The following SYT10 variants were observed in gnomAD, a reference collection of about 807,000 sequenced individuals.
SYT10 encodes the protein synaptotagmin-10.
A neutral mutation model predicts 51.1 loss-of-function variants in SYT10; 31 were observed. The ratio of observed to expected loss-of-function variants is 0.61; its 90% CI spans 0.46 to 0.82. The LOEUF is 0.82. SYT10 is among the 40% of genes least tolerant of loss of function. SYT10 has a pLI of 0.00. For synonymous variants in SYT10, 233 were observed against 225.9 expected (o/e 1.03, Z -0.28); for missense variants, 603 against 634.0 (o/e 0.95, Z 0.53).
At chr12:33,416,203 C>T (rs1866452242) in intron 2 of SYT10, among the ~76,000 whole-genome samples, 1 of 152,148 alleles carries the variant, frequency 6.6e-6, no homozygotes, top group Admixed American at 6.5e-5. Context: ...GCCTCAGCTT[C>T]CCGAGTAGCT....
chr12:33,430,348 G>A (rs1591998782), intron 1 of SYT10, among the ~76,000 whole-genome samples: 1 of 152,190 alleles, frequency 6.6e-6, no homozygotes, highest in African/African-American at 2.4e-5. Context: ...TCTAAAATGC[G>A]AATTCGTCAG....
chr12:33,439,364 C>T lies in SYT10; in HGVS notation c.151+8G>A, dbSNP rs766254838. ...GCGCGAGGACGCGAGCGGAGCCCTC[C>T]CGGTTACCTGTGCTGCTTCCGCCCT... On this transcript the variant is annotated splice_region_variant and intron_variant, in intron 1 of 6. Coordinates refer to ENST00000228567, the MANE Select transcript of SYT10 (RefSeq NM_198992.4). 2.5e-6 allele frequency: 4 copies of T among 1,610,670 alleles called. No individual in the cohort carries two copies. The highest frequency in any genetic ancestry group is 2.2e-5 in the South Asian group (2 of 90,696).
chr12:33,396,452 C>T (rs1338854277), intron 3 of SYT10, among the ~76,000 whole-genome samples: 1 of 152,110 alleles, frequency 6.6e-6, no homozygotes, highest in Admixed American at 6.6e-5. Context: ...GAGTAATTTA[C>T]ATCAGAATAC....
chr12:33,385,683 T>C (rs1433237074), intron 3 of SYT10, among the ~76,000 whole-genome samples: 1 of 152,186 alleles, frequency 6.6e-6, no homozygotes, highest in East Asian at 1.9e-4. Context: ...GAGCAACCCA[T>C]GGGCAAGTCC....
rs369730151 is a variant in SYT10, at chr12:33,379,719, A to AT, written c.1500+112dup. 2,836 of 1,372,046 alleles carry AT rather than the reference A, an allele frequency of 2.1e-3. 4 individuals are homozygous for AT. The highest frequency in any genetic ancestry group is 2.6e-3 in the Non-Finnish European group (2,605 of 1,016,310). 85.0% of individuals were successfully genotyped at this position (1,372,046 alleles called of 1,614,324 possible). Reference sequence around the variant, plus strand: ...GACAAAAGCAAGAACAATCTTTTCTATTTTTTTTAACAAGGGTGAATACAT... The same window carrying AT: ...GACAAAAGCAAGAACAATCTTTTCTATTTTTTTTTAACAAGGGTGAATACAT... On this transcript the variant is annotated intron_variant, in intron 6 of 6. Coordinates refer to ENST00000228567, the MANE Select transcript of SYT10 (RefSeq NM_198992.4).
chr12:33,421,000 C>T (rs1310904379), intron 2 of SYT10, among the ~76,000 whole-genome samples: 2 of 152,104 alleles, frequency 1.3e-5, no homozygotes, highest in African/African-American at 4.8e-5. Context: ...TATAATATCC[C>T]ATTTTTCATT....
At chr12:33,402,992 TA>T (rs1245610341) in intron 3 of SYT10, among the ~76,000 whole-genome samples, 1 of 152,040 alleles carries the variant, frequency 6.6e-6, no homozygotes, top group East Asian at 1.9e-4. Context: ...GAAGAATCAT[TA>T]AAAATTAAAG....
At position 33,379,930 on chromosome 12, in the gene SYT10, T is replaced by G. The variant is rs1266849562; in HGVS notation, c.1402A>C (p.Arg468=). 3.7e-6 allele frequency: 6 copies of G among 1,613,842 alleles called. No individual in the cohort carries two copies. The highest frequency in any genetic ancestry group is 5.1e-6 in the Non-Finnish European group (6 of 1,179,878). The change falls in exon 6 of 7, where the codon AGA becomes CGA. Residue 468 remains arginine, a synonymous_variant. Transcript: ENST00000228567. ...VGHNEVIGVC[R]TGLDAEGLGR... ...AGACCCTCAGCATCCAGTCCTGTTC[T>G]GCACACTCCTATGACCTCATTGTGT...
At chr12:33,424,429 A>T (rs114712384) in intron 2 of SYT10, among the ~76,000 whole-genome samples, 1,626 of 152,290 alleles carry the variant, frequency 0.011, 33 homozygotes, top group African/African-American at 0.035. Context: ...AAGCTAATAT[A>T]CATTCACAGT....
intron 3 of SYT10, among the ~76,000 whole-genome samples, chr12:33,403,193 A>AATATTTAT (rs1473523401): frequency 6.6e-6 from 1 of 151,792 alleles, no homozygotes; most frequent in Non-Finnish European, 1.5e-5. Flanking sequence ...GAATTATAAG[A>AATATTTAT]ATATTTATAT....
At chr12:33,385,326 C>T in intron 3 of SYT10, 35 bp from the exon 4 acceptor site, 3 of 1,607,826 alleles carry the variant, frequency 1.9e-6, no homozygotes, top group Non-Finnish European at 2.5e-6. Context: ...CAATTTCAAA[C>T]ATTGAAGGGT....
chr12:33,381,286 G>A (rs1034423233), intron 5 of SYT10, among the ~76,000 whole-genome samples: 5 of 151,932 alleles, frequency 3.3e-5, no homozygotes, highest in African/African-American at 4.8e-5. Context: ...TTATTTTTCA[G>A]TGTTTCCCCC....
At chr12:33,415,071 T>C (rs1159657268) in intron 2 of SYT10, among the ~76,000 whole-genome samples, 8 of 152,122 alleles carry the variant, frequency 5.3e-5, no homozygotes, top group African/African-American at 1.9e-4. Flanking sequence ...TTTAAAGACT[T>C]TTACAAAGAA....
chr12:33,424,624 C>A (rs1009162918), intron 2 of SYT10, among the ~76,000 whole-genome samples: 21 of 151,822 alleles, frequency 1.4e-4, no homozygotes, highest in African/African-American at 5.1e-4. Context: ...ATAGCGAGAC[C>A]AATGTCTTGG....
At chr12:33,427,328 G>A (rs1192547556) in intron 1 of SYT10, among the ~76,000 whole-genome samples, 1 of 152,084 alleles carries the variant, frequency 6.6e-6, no homozygotes, top group African/African-American at 2.4e-5. Context: ...TGGGCCGATG[G>A]GACTAGCACA....
At chr12:33,406,751 CAAATAAA>C in intron 3 of SYT10, 31 bp downstream of exon 3, 1 of 1,510,568 alleles carries the variant, frequency 6.6e-7, no homozygotes, top group Non-Finnish European at 8.9e-7. Context: ...CATTGTAAGT[CAAATAAA>C]AAACAATATA....
intron 3 of SYT10, among the ~76,000 whole-genome samples, chr12:33,394,158 G>A (rs576216261): frequency 9.3e-4 from 142 of 152,264 alleles, no homozygotes; most frequent in African/African-American, 3.3e-3. Flanking sequence ...TATTTGATAG[G>A]TGCCAGCTTC....
At chr12:33,382,237 C>T in intron 5 of SYT10, 112 bp downstream of exon 5, 1 of 1,003,910 alleles carries the variant, frequency 1.0e-6, no homozygotes, top group Non-Finnish European at 1.4e-6. Context: ...TCATTATTCC[C>T]TCCTCCAATT....
At chr12:33,425,004 A>G (rs1188914509) in intron 2 of SYT10, among the ~76,000 whole-genome samples, 2 of 152,110 alleles carry the variant, frequency 1.3e-5, no homozygotes, top group African/African-American at 4.8e-5. Context: ...ATTCTTACTT[A>G]TCCCTCTGGA....
Sources: allele counts gnomAD v4.1 joint callset (sites outside exome capture counted in the v4.1 genomes callset), GRCh38; gene constraint gnomAD v4.1.1; transcripts MANE v1.5; gene names NCBI Gene and HGNC (gene_info 2026-07-23, HGNC 2026-07-21).